TOX2: variants seen among roughly 807,000 people sequenced by gnomAD.
TOX2 encodes granulosa cell HMG box 1.
TOX2 carries 15 observed loss-of-function variants against 47.4 expected under a neutral mutation model. That is an observed-to-expected ratio of 0.32 (90% confidence interval 0.21 to 0.49). The LOEUF is 0.49. Among genes scored for constraint, TOX2 ranks in the 20% least tolerant of loss-of-function variants. The pLI is 0.99. For missense variants in TOX2, 622 were observed against 673.1 expected, an observed-to-expected ratio of 0.92 and a Z score of 0.84; for synonymous variants, 290 against 296.6, an observed-to-expected ratio of 0.98 and a Z score of 0.23.
At chr20:44,048,957 C>T (rs532165894) in intron 3 of TOX2, among the ~76,000 whole-genome samples, 89 of 152,216 alleles carry the variant, frequency 5.8e-4, no homozygotes, top group African/African-American at 2.1e-3. Flanking sequence ...GCCAATATGG[C>T]GAAACCCCGT....
At chr20:44,029,647 A>G (rs1438689048) in intron 3 of TOX2, among the ~76,000 whole-genome samples, 1 of 152,132 alleles carries the variant, frequency 6.6e-6, no homozygotes, top group Non-Finnish European at 1.5e-5. Flanking sequence ...TAGGATCCCC[A>G]TGGGGAATTG....
chr20:43,947,201 G>A (rs910908), intron 1 of TOX2, among the ~76,000 whole-genome samples: 19,486 of 152,138 alleles, frequency 0.13, 1,483 homozygotes, highest in East Asian at 0.26. Context: ...ATCTCAGCTC[G>A]GCCATAAATA....
rs551067616 is a variant in TOX2 at position 44,035,660 on chromosome 20, T to TG, written c.412-15642dup. Among the ~76,000 whole-genome samples, 33 of 152,166 alleles carry TG rather than the reference T, an allele frequency of 2.2e-4. 1 individual carries two copies. Among genetic ancestry groups the TG allele is most frequent in the African/African-American group, 7.5e-4 (31 of 41,504 alleles). On this transcript the variant is annotated intron_variant, in intron 3 of 8. Transcript: ENST00000341197. ...GCTGGAGGGAGACGTGGCTGATGCGTGGGGAGAGGCTGGTTCTTGCCCAGG... is the reference window on the plus strand; with the variant it reads ...GCTGGAGGGAGACGTGGCTGATGCGTGGGGGAGAGGCTGGTTCTTGCCCAGG...
chr20:43,932,780 C>CA lies in TOX2; in HGVS notation c.99+17790_99+17791insA, dbSNP rs1569008713. Among the ~76,000 whole-genome samples the CA allele has an allele frequency of 4.3e-5, 6 of 140,064 alleles. 1 individual carries two copies. The highest frequency in any genetic ancestry group is 2.6e-4 in the East Asian group (1 of 3,916). 91.9% of individuals were successfully genotyped at this position (140,064 alleles called of 152,430 possible). A position where few individuals can be genotyped will look rare whatever the true frequency, so the allele number is the denominator to read the frequency against. On this transcript the variant is annotated intron_variant, in intron 1 of 8. Transcript: ENST00000341197. ...GGGTTGGAGAGGGGTTGCTGCCCCC[C>CA]CCCGCCATTTCTGACTGAGGGCAGG...
intron 5 of TOX2, among the ~76,000 whole-genome samples, chr20:44,055,417 G>C (rs2145768988): frequency 1.3e-5 from 2 of 152,304 alleles, no homozygotes; most frequent in East Asian, 3.9e-4. Flanking sequence ...AGGAGGGGAA[G>C]TGTTCCAGAC....
intron 1 of TOX2, among the ~76,000 whole-genome samples, chr20:43,954,958 G>A (rs1033326145): frequency 2.6e-5 from 4 of 152,244 alleles, no homozygotes; most frequent in East Asian, 1.9e-4. Context: ...TGCTTGATTC[G>A]CTTGAAACTG....
chr20:44,010,624 T>C lies in TOX2; in HGVS notation c.411+3832T>C, dbSNP rs142644558. 2.5e-3 allele frequency among the ~76,000 whole-genome samples: 379 copies of C among 152,292 alleles called. 1 individual carries two copies. Among genetic ancestry groups the C allele is most frequent in the African/African-American group, 8.9e-3 (368 of 41,572 alleles). ...GGACAAAGGGGCGTGGCTCTGTGTGTGCGTGGGCATACACGCTACGTGGGT... is the reference window on the plus strand; with the variant it reads ...GGACAAAGGGGCGTGGCTCTGTGTGCGCGTGGGCATACACGCTACGTGGGT... On this transcript the variant is annotated intron_variant, in intron 3 of 8. Coordinates refer to ENST00000341197, the MANE Select transcript of TOX2 (RefSeq NM_001098797.2).
At chr20:43,966,539 C>G (rs1260780858) in intron 1 of TOX2, among the ~76,000 whole-genome samples, 3 of 151,990 alleles carry the variant, frequency 2.0e-5, no homozygotes, top group Non-Finnish European at 4.4e-5. Context: ...AGGCAGGTCA[C>G]TTGAGAGCAG....
chr20:44,064,704 C>T (rs1289888552), intron 5 of TOX2, 73 bp from the exon 6 acceptor site: 30 of 1,440,638 alleles, frequency 2.1e-5, no homozygotes, highest in Admixed American at 3.5e-5. Context: ...CCATGCCTTC[C>T]CACCCCAGGA....
At chr20:44,038,788 C>T (rs917594886) in intron 3 of TOX2, among the ~76,000 whole-genome samples, 8 of 152,312 alleles carry the variant, frequency 5.3e-5, no homozygotes, top group African/African-American at 1.9e-4. Context: ...TTCTTGTTCT[C>T]TCCTCACTGT....
chr20:44,068,953 C>T lies in TOX2; in HGVS notation c.*267C>T, dbSNP rs767064078. On this transcript the variant is annotated 3_prime_UTR_variant, in exon 9 of 9. Coordinates refer to ENST00000341197, the MANE Select transcript of TOX2 (RefSeq NM_001098797.2). ...CCAGGGTAACTGTGGACCCTGTCCT[C>T]GCCCTGCGCACGGTACCCTATGTCT... is the stretch of plus-strand genomic sequence containing the variant. 10 of 625,302 alleles carry T rather than the reference C, an allele frequency of 1.6e-5. No individual in the cohort carries two copies. The highest frequency in any genetic ancestry group is 2.5e-4 in the Middle Eastern group (1 of 3,942). The allele number at this position is 625,302 out of a possible 1,614,324, so 38.7% of individuals were successfully genotyped here. A position where few individuals can be genotyped will look rare whatever the true frequency, so the allele number is the denominator to read the frequency against.
At chr20:43,931,475 C>T (rs1209038294) in intron 1 of TOX2, among the ~76,000 whole-genome samples, 1 of 152,176 alleles carries the variant, frequency 6.6e-6, no homozygotes, top group Non-Finnish European at 1.5e-5. Context: ...AGCGCCACCC[C>T]CTCCTGGAGG....
At chr20:43,998,720 CATCT>C (rs34142021) in intron 2 of TOX2, among the ~76,000 whole-genome samples, 13,948 of 60,512 alleles carry the variant, frequency 0.23, 803 homozygotes, top group East Asian at 0.38. Context: ...TGGCCTGATA[CATCT>C]ATCTATCTAT....
intron 4 of TOX2, among the ~76,000 whole-genome samples, chr20:44,053,602 A>C (rs547438245): frequency 7.8e-4 from 56 of 71,722 alleles, no homozygotes; most frequent in African/African-American, 2.9e-3. Flanking sequence ...ACACACACAT[A>C]TATATACATA....
intron 1 of TOX2, among the ~76,000 whole-genome samples, chr20:43,958,082 C>T (rs994238967): frequency 2.0e-5 from 3 of 152,140 alleles, no homozygotes; most frequent in Non-Finnish European, 4.4e-5. Flanking sequence ...GGACAGCTTC[C>T]CCTTGTGTCT....
intron 8 of TOX2, among the ~76,000 whole-genome samples, chr20:44,067,568 G>A (rs1000025640): frequency 2.6e-5 from 4 of 152,082 alleles, no homozygotes; most frequent in Middle Eastern, 3.2e-3. Flanking sequence ...ACACCTTAGA[G>A]ACCCCTTCTC....
Position 44,057,054 on chromosome 20 carries a change from G to A in TOX2, c.879+2528G>A, listed in dbSNP as rs762922231. Among the ~76,000 whole-genome samples the A allele has an allele frequency of 5.3e-4, 80 of 152,234 alleles. 1 individual carries two copies. Among genetic ancestry groups the A allele is most frequent in the Non-Finnish European group, 5.4e-4 (37 of 68,002 alleles). ...CTTCCCAAGTAGCTGGACTACAGGC[G>A]TGCCATGCATCACCATGCCCCACAA... On this transcript the variant is annotated intron_variant, in intron 5 of 8. Coordinates refer to ENST00000341197, the MANE Select transcript of TOX2 (RefSeq NM_001098797.2).
At chr20:43,955,250 C>A (rs549716562) in intron 1 of TOX2, 93 of 985,348 alleles carry the variant, frequency 9.4e-5, no homozygotes, top group Non-Finnish European at 1.1e-4. Flanking sequence ...CGAGTTCTGG[C>A]TGAGAGCTGT....
chr20:43,958,241 G>A (rs1029782259), intron 1 of TOX2, among the ~76,000 whole-genome samples: 3 of 152,024 alleles, frequency 2.0e-5, no homozygotes, highest in Admixed American at 6.6e-5. Flanking sequence ...GTGGCTTCAC[G>A]GAATGTTTCA....
Sources: allele counts gnomAD v4.1 joint callset (sites outside exome capture counted in the v4.1 genomes callset), GRCh38; gene constraint gnomAD v4.1.1; transcripts MANE v1.5; gene names NCBI Gene and HGNC (gene_info 2026-07-23, HGNC 2026-07-21).